ZNF346: variants seen among roughly 807,000 people sequenced by gnomAD.
The protein encoded by ZNF346 is double-stranded RNA-binding zinc finger protein JAZ.
Under a neutral mutation model 33.7 loss-of-function variants are expected in ZNF346, and 23 were observed. That is an observed-to-expected ratio of 0.68 (90% CI 0.49 to 0.97). The LOEUF is 0.97. ZNF346 is among the 50% of genes least tolerant of loss of function. The probability of loss-of-function intolerance (pLI) is 0.00; values close to 1 mark genes in which losing one functional copy is unlikely to be tolerated. For synonymous variants in ZNF346, 134 were observed against 142.4 expected, an observed-to-expected ratio of 0.94 and a Z score of 0.42; for missense variants, 340 against 371.1, an observed-to-expected ratio of 0.92 and a Z score of 0.69.
In ZNF346 at chr5:177,066,921, G is replaced by A. The variant is rs10063213; in HGVS notation, c.*2322G>A. The stretch of plus-strand genomic sequence containing the variant: ...TATAAAAAATACGAAAATCAGCTGC[G>A]CCTGGTGGCACACATCTGTAGTCCC... On this transcript the variant is annotated 3_prime_UTR_variant, in exon 7 of 7. Coordinates refer to ENST00000358149, the MANE Select transcript of ZNF346 (RefSeq NM_012279.4). Among the ~76,000 whole-genome samples, 14,132 of 151,972 alleles carry A rather than the reference G, an allele frequency of 0.093. 1,309 individuals carry two copies. The highest frequency in any genetic ancestry group is 0.24 in the African/African-American group (10,021 of 41,392).
At chr5:177,047,419 C>T (rs921073367) in intron 4 of ZNF346, among the ~76,000 whole-genome samples, 8 of 151,598 alleles carry the variant, frequency 5.3e-5, no homozygotes, top group Non-Finnish European at 1.0e-4. Flanking sequence ...CTCACTGCAA[C>T]CTCTGCCCCA....
intron 1 of ZNF346, among the ~76,000 whole-genome samples, chr5:177,026,748 T>G (rs942498233): frequency 5.9e-5 from 9 of 152,248 alleles, no homozygotes; most frequent in African/African-American, 2.2e-4. Context: ...AAGAGTTTAC[T>G]TGATTTTTAA....
In ZNF346 at chr5:177,022,838, G is replaced by A; in HGVS notation, c.100G>A (p.Val34Met). Residue 34 changes from valine (V) to methionine (M), a missense_variant, in exon 1 of 7, where the codon GTG (valine) becomes ATG (methionine). Transcript: ENST00000358149. ...ELLEGQEPDG[V>M]RFDRERARRL... ...GCTGGAGGGCCAGGAGCCGGACGGG[G>A]TGCGCTTTGACCGCGAGAGGGCGCG... 6.5e-7 allele frequency: 1 copy of A among 1,537,954 alleles called. No individual in the cohort carries two copies. The highest frequency in any genetic ancestry group is 8.8e-7 in the Non-Finnish European group (1 of 1,141,596).
At chr5:177,039,686 C>T (rs1452546194) in intron 1 of ZNF346, among the ~76,000 whole-genome samples, 1 of 152,152 alleles carries the variant, frequency 6.6e-6, no homozygotes, top group Admixed American at 6.5e-5. Context: ...CCATCTTGCC[C>T]AGGCTGGTCT....
At chr5:177,063,636 T>C (rs1460700786) in intron 6 of ZNF346, among the ~76,000 whole-genome samples, 1 of 152,170 alleles carries the variant, frequency 6.6e-6, no homozygotes, top group Non-Finnish European at 1.5e-5. Flanking sequence ...TGTTCGCTGC[T>C]CTCTTGCTAA....
intron 8 of ZNF346, among the ~76,000 whole-genome samples, chr5:177,074,754 G>A (rs1581988429): frequency 6.6e-6 from 1 of 152,302 alleles, no homozygotes; most frequent in Non-Finnish European, 1.5e-5. Flanking sequence ...CCAGGGCAGA[G>A]GGCAGTTAGG....
intron 5 of ZNF346, among the ~76,000 whole-genome samples, chr5:177,051,170 C>CTTTTTTTTTTTTTTTTTT (rs906484576): frequency 2.9e-5 from 3 of 104,846 alleles, no homozygotes; most frequent in Non-Finnish European, 3.8e-5. Context: ...GTTTTCTTTT[C>CTTTTTTTTTTTTTTTTTT]TTTTTTTTTT....
downstream of ZNF346, among the ~76,000 whole-genome samples, chr5:177,069,794 T>A (rs1240590374): frequency 6.6e-6 from 1 of 152,210 alleles, no homozygotes; most frequent in African/African-American, 2.4e-5. Context: ...CCCAAGTAGC[T>A]GGGACTACAG....
chr5:177,041,288 T>C, intron 2 of ZNF346, 59 bp downstream of exon 2: 1 of 1,385,976 alleles, frequency 7.2e-7, no homozygotes, highest in Non-Finnish European at 1.0e-6. Flanking sequence ...AAACCACTAA[T>C]TCTCTCTGGC....
intron 8 of ZNF346, among the ~76,000 whole-genome samples, chr5:177,078,300 C>T (rs975715993): frequency 1.8e-4 from 27 of 152,306 alleles, no homozygotes; most frequent in South Asian, 2.1e-4. Flanking sequence ...TAAGCAAAGA[C>T]GCCACGGTGT....
intron 5 of ZNF346, among the ~76,000 whole-genome samples, chr5:177,055,168 G>A (rs957895609): frequency 1.1e-4 from 17 of 151,416 alleles, no homozygotes; most frequent in Admixed American, 1.1e-3. Flanking sequence ...TGAGTAGCTG[G>A]GATTATAGAC....
At chr5:177,043,016 T>C (rs1779558441) in intron 3 of ZNF346, among the ~76,000 whole-genome samples, 1 of 152,194 alleles carries the variant, frequency 6.6e-6, no homozygotes, top group Non-Finnish European at 1.5e-5. Flanking sequence ...CACACCCAGC[T>C]AATTTTTGTA....
At chr5:177,050,696 A>C (rs1780740847) in intron 4 of ZNF346, 55 bp from the exon 5 acceptor site, 1 of 1,604,120 alleles carries the variant, frequency 6.2e-7, no homozygotes, top group South Asian at 1.1e-5. Context: ...GAACTCTCTC[A>C]CTGCAGCTCT....
At chr5:177,052,853 T>C (rs1781143056) in intron 5 of ZNF346, 1 of 152,232 alleles carries the variant, frequency 6.6e-6, no homozygotes, top group East Asian at 1.9e-4. Context: ...TGTACTTCTC[T>C]TGCACTGCTA....
At chr5:177,036,154 C>T (rs1778481004) in intron 1 of ZNF346, among the ~76,000 whole-genome samples, 2 of 152,078 alleles carry the variant, frequency 1.3e-5, no homozygotes, top group African/African-American at 4.8e-5. Context: ...GCTGAAACAA[C>T]AGCGGGGTGG....
chr5:177,060,805 T>C (rs1228433708), intron 5 of ZNF346, among the ~76,000 whole-genome samples: 1 of 143,306 alleles, frequency 7.0e-6, no homozygotes, highest in Non-Finnish European at 1.5e-5. Flanking sequence ...CAAAACTCCA[T>C]CTCTAAATAA....
chr5:177,032,252 C>T (rs1219357430), intron 1 of ZNF346, among the ~76,000 whole-genome samples: 2 of 152,032 alleles, frequency 1.3e-5, no homozygotes, highest in Admixed American at 6.6e-5. Context: ...AATCCACCCA[C>T]CTTGGCCTCC....
chr5:177,056,285 G>A (rs1028192844), intron 5 of ZNF346, among the ~76,000 whole-genome samples: 6 of 152,072 alleles, frequency 3.9e-5, no homozygotes, highest in Non-Finnish European at 8.8e-5. Flanking sequence ...GTGCTGGAGA[G>A]GTTGTACAGA....
At chr5:177,032,057 G>A (rs1478775920) in intron 1 of ZNF346, among the ~76,000 whole-genome samples, 1 of 122,042 alleles carries the variant, frequency 8.2e-6, no homozygotes, top group Non-Finnish European at 1.6e-5. Context: ...GCCCAGGAGT[G>A]CAATGGCACA....
Sources: allele counts gnomAD v4.1 joint callset (sites outside exome capture counted in the v4.1 genomes callset), GRCh38; gene constraint gnomAD v4.1.1; transcripts MANE v1.5; gene names NCBI Gene and HGNC (gene_info 2026-07-23, HGNC 2026-07-21).